GLIS1: variants seen among roughly 807,000 people sequenced by gnomAD.
GLIS1 encodes the protein zinc finger protein GLIS1.
In GLIS1, 24 loss-of-function variants were observed where a neutral mutation model predicts 63.8. That is an observed-to-expected ratio of 0.38 (90% confidence interval 0.27 to 0.53). The LOEUF is 0.53. Ranked by LOEUF, GLIS1 falls within the 20% of genes least tolerant of loss-of-function variation. The pLI is 0.85. For synonymous variants in GLIS1, 450 were observed against 482.5 expected (o/e 0.93, Z 0.88); for missense variants, 1,036 against 1,074.1 (o/e 0.96, Z 0.50).
Position 53,520,721 on chromosome 1 carries a change from G to A in GLIS1, c.1639C>T (p.Leu547=). 6.2e-7 allele frequency: 1 copy of A among 1,606,958 alleles called. No individual in the cohort carries two copies. Among genetic ancestry groups the A allele is most frequent in the Non-Finnish European group, 8.5e-7 (1 of 1,177,382 alleles). ...GACGTGTGGAGCTGCTGCAGGACCA[G>A]ACACTCGGTCAGGACGTCGGCCTCG... ...DTEADVLTEC[L]VLQQLHTSTQ... is the part of the protein sequence containing the mutation. Residue 547 remains leucine, a synonymous_variant, in exon 7 of 11, where the codon CTG becomes TTG. Transcript: ENST00000628545.
At chr1:53,736,559 A>G (rs891735470) in intron 2 of GLIS1, among the ~76,000 whole-genome samples, 2 of 152,100 alleles carry the variant, frequency 1.3e-5, no homozygotes, top group African/African-American at 4.8e-5. Context: ...GAGACCTCAT[A>G]TGTGTGTATT....
At chr1:53,561,758 A>G (rs1015125094) in intron 4 of GLIS1, among the ~76,000 whole-genome samples, 1 of 152,190 alleles carries the variant, frequency 6.6e-6, no homozygotes, top group African/African-American at 2.4e-5. Flanking sequence ...GTGTGAAGCC[A>G]AGGAAGCTTT....
chr1:53,529,319 C>T (rs1390525460), intron 5 of GLIS1, among the ~76,000 whole-genome samples: 1 of 152,192 alleles, frequency 6.6e-6, no homozygotes, highest in Non-Finnish European at 1.5e-5. Flanking sequence ...GGACAAAAGA[C>T]CACCCTGGAG....
At chr1:53,721,448 T>C (rs1479349237) in intron 2 of GLIS1, among the ~76,000 whole-genome samples, 1 of 152,200 alleles carries the variant, frequency 6.6e-6, no homozygotes, top group African/African-American at 2.4e-5. Flanking sequence ...AAAGTTTAGC[T>C]TCCACTGTTT....
chr1:53,603,380 T>A (rs991122665), intron 2 of GLIS1, among the ~76,000 whole-genome samples: 1 of 152,194 alleles, frequency 6.6e-6, no homozygotes. Context: ...GGCCCAAAGT[T>A]GGTCTTTCAA....
intron 2 of GLIS1, among the ~76,000 whole-genome samples, chr1:53,730,191 A>T (rs570417952): frequency 6.6e-6 from 1 of 152,096 alleles, no homozygotes; most frequent in South Asian, 2.1e-4. Flanking sequence ...ACAAGCAAAA[A>T]ACTCCGTAAC....
chr1:53,653,758 G>A (rs1271327170), intron 2 of GLIS1, among the ~76,000 whole-genome samples: 1 of 152,160 alleles, frequency 6.6e-6, no homozygotes, highest in African/African-American at 2.4e-5. Flanking sequence ...TGCTGAAAGG[G>A]GGTGTGGCCT....
At chr1:53,678,085 G>A (rs548534967) in intron 2 of GLIS1, among the ~76,000 whole-genome samples, 4 of 152,114 alleles carry the variant, frequency 2.6e-5, no homozygotes, top group African/African-American at 9.6e-5. Flanking sequence ...AAACATACTG[G>A]CTGTGGATGG....
chr1:53,662,200 G>A (rs1570007165), intron 2 of GLIS1, among the ~76,000 whole-genome samples: 1 of 152,186 alleles, frequency 6.6e-6, no homozygotes, highest in African/African-American at 2.4e-5. Flanking sequence ...TCTGTCGCAG[G>A]GGATGTTCTT....
intron 2 of GLIS1, among the ~76,000 whole-genome samples, chr1:53,656,176 C>A (rs2100344275): frequency 6.6e-6 from 1 of 152,292 alleles, no homozygotes; most frequent in Non-Finnish European, 1.5e-5. Flanking sequence ...TCATAATCAG[C>A]AGATGCACCT....
At chr1:53,705,762 A>T (rs1421858406) in intron 2 of GLIS1, among the ~76,000 whole-genome samples, 2 of 152,212 alleles carry the variant, frequency 1.3e-5, no homozygotes, top group African/African-American at 4.8e-5. Flanking sequence ...CTTCCATCCC[A>T]AGCTGTTTCC....
At chr1:53,556,927 T>C (rs530830343) in intron 4 of GLIS1, among the ~76,000 whole-genome samples, 44 of 150,028 alleles carry the variant, frequency 2.9e-4, no homozygotes, top group Non-Finnish European at 5.0e-4. Flanking sequence ...TGTGTGCAGG[T>C]GTACTGCAGG....
At chr1:53,544,888 G>A (rs1159292251) in intron 4 of GLIS1, among the ~76,000 whole-genome samples, 2 of 152,136 alleles carry the variant, frequency 1.3e-5, no homozygotes, top group African/African-American at 4.8e-5. Flanking sequence ...GGCTGCGTGG[G>A]AACCCAAGCC....
In GLIS1 at chr1:53,594,414, G is replaced by C. The variant is rs779059013; in HGVS notation, c.1014C>G (p.Gly338=). ...GAGACAGGGGATAGGGGGGCGGCAG[G>C]CCCTGCTGGTGAGGCCCAAAGAGCT... The part of the protein sequence containing the change: ...FSELFGPHQQ[G]LPPPYPLSQL... Residue 338 remains glycine (G), a synonymous_variant, in exon 4 of 11, where the codon GGC becomes GGG. Transcript: ENST00000628545. 16 of 1,612,326 alleles carry C rather than the reference G, an allele frequency of 9.9e-6. No individual in the cohort carries two copies. The South Asian group carries it at 1.4e-4, about 14-fold the overall frequency.
At chr1:53,520,814 C>A in intron 6 of GLIS1, 48 bp from the exon 7 acceptor site, 2 of 1,543,674 alleles carry the variant, frequency 1.3e-6, no homozygotes, top group Non-Finnish European at 1.8e-6. Context: ...AGACCCCTGC[C>A]CACCAGCAAC....
At position 53,558,732 on chromosome 1, in the gene GLIS1, A is replaced by C. The variant is rs371931149; in HGVS notation, c.1321-28780T>G. 1.3e-4 allele frequency among the ~76,000 whole-genome samples: 20 copies of C among 152,320 alleles called. 2 individuals are homozygous for C. In the South Asian group the frequency reaches 1.9e-3, roughly 14 times the overall value. ...CTTTTAGCAAAAGCTGAGTGAGTGA[A>C]TGAATGAATTAATAAATGCCACCTT... is the stretch of plus-strand genomic sequence containing the variant. On this transcript the variant is annotated intron_variant, in intron 4 of 10. Coordinates refer to ENST00000628545, the MANE Select transcript of GLIS1 (RefSeq NM_001367484.1).
intron 2 of GLIS1, among the ~76,000 whole-genome samples, chr1:53,722,444 G>A (rs1216166565): frequency 6.6e-6 from 1 of 152,204 alleles, no homozygotes; most frequent in Non-Finnish European, 1.5e-5. Context: ...CCAGACAAAA[G>A]AGAGAAGAGG....
intron 2 of GLIS1, among the ~76,000 whole-genome samples, chr1:53,661,081 T>A (rs12026298): frequency 0.21 from 31,549 of 152,160 alleles, 3,347 homozygotes; most frequent in East Asian, 0.34. Flanking sequence ...CATCCATGTA[T>A]GTATGTCTCA....
Position 53,698,552 on chromosome 1 carries a change from C to T in GLIS1, c.259+39254G>A, listed in dbSNP as rs551259922. Among the ~76,000 whole-genome samples, 15 of 152,350 alleles carry T rather than the reference C, an allele frequency of 9.8e-5. 1 individual carries two copies. In the South Asian group the frequency reaches 2.1e-3, roughly 21 times the overall value. The stretch of plus-strand genomic sequence containing the variant: ...CGCCACTGCTTGTGGGCACTGGCCC[C>T]ATTTCCCCATCAGGGGTGAGATATT... On this transcript the variant is annotated intron_variant, in intron 2 of 10. Transcript: ENST00000628545.
Sources: gnomAD v4.1 joint callset for allele counts (sites outside exome capture counted in the v4.1 genomes callset) on GRCh38, gnomAD v4.1.1 for gene constraint, MANE v1.5 for transcripts, NCBI Gene and HGNC (gene_info 2026-07-23, HGNC 2026-07-21) for gene names.